The following TRIM5 variants were observed in gnomAD, a reference collection of about 807,000 sequenced individuals.
TRIM5 encodes the protein tripartite motif containing 5.
A neutral mutation model predicts 35.6 loss-of-function variants in TRIM5; 31 were observed. The ratio of observed to expected loss-of-function variants is 0.87; its 90% CI spans 0.65 to 1.18. TRIM5 has a LOEUF of 1.18. TRIM5 is among the 50% of genes most tolerant of loss of function. The pLI, the probability that TRIM5 is intolerant of heterozygous loss-of-function variation, is 0.00. For synonymous variants in TRIM5, 243 were observed against 215.6 expected, an observed-to-expected ratio of 1.13 and a Z score of -1.11; for missense variants, 609 against 591.6, an observed-to-expected ratio of 1.03 and a Z score of -0.31.
the TRIM5 span, among the ~76,000 whole-genome samples, chr11:5,616,104 C>T: frequency 1.3e-5 from 2 of 150,364 alleles, no homozygotes; most frequent in Non-Finnish European, 3.0e-5. Context: ...GCGCCCACCA[C>T]CACGCCCGGC....
the TRIM5 span, chr11:5,611,313 C>T: frequency 1.2e-6 from 2 of 1,614,098 alleles, no homozygotes; most frequent in African/African-American, 1.3e-5. Context: ...CTGTGTAATT[C>T]CTATGACCCT....
At chr11:5,609,384 T>A in the TRIM5 span, among the ~76,000 whole-genome samples, 4 of 152,128 alleles carry the variant, frequency 2.6e-5, no homozygotes, top group African/African-American at 9.7e-5. Flanking sequence ...GCCCACAGAC[T>A]CTTCTGAAGA....
At chr11:5,596,665 A>C in the TRIM5 span, 1 of 556,600 alleles carries the variant, frequency 1.8e-6, no homozygotes, top group African/African-American at 2.0e-5. Flanking sequence ...AGCCTTCCGC[A>C]AACTCCTGAC....
the TRIM5 span, chr11:5,597,037 C>A: frequency 1.3e-6 from 2 of 1,515,730 alleles, no homozygotes; most frequent in Non-Finnish European, 9.0e-7. Flanking sequence ...TTTTCTTTCT[C>A]ACTGCAAATG....
the TRIM5 span, chr11:5,603,175 G>A: frequency 1.2e-5 from 18 of 1,553,038 alleles, no homozygotes; most frequent in Admixed American, 1.9e-5. Flanking sequence ...ATCCAGGACT[G>A]GGCAGTCAGT....
the TRIM5 span, among the ~76,000 whole-genome samples, chr11:5,591,541 G>A: frequency 0.026 from 3,913 of 152,268 alleles, 178 homozygotes; most frequent in African/African-American, 0.09. Flanking sequence ...CCAGCTACTG[G>A]GGAGGCTGAG....
At chr11:5,634,668 A>C in the TRIM5 span, 1 of 1,613,910 alleles carries the variant, frequency 6.2e-7, no homozygotes, top group Non-Finnish European at 8.5e-7. Flanking sequence ...ATACAAACAG[A>C]ATTTGATCAG....
At chr11:5,635,444 C>T in the TRIM5 span, among the ~76,000 whole-genome samples, 1 of 151,886 alleles carries the variant, frequency 6.6e-6, no homozygotes, top group Admixed American at 6.6e-5. Flanking sequence ...TTTTAGTAAA[C>T]ATGGGGTTTC....
chr11:5,681,923 C>T (rs761644244), intron 1 of TRIM5, among the ~76,000 whole-genome samples: 23 of 142,902 alleles, frequency 1.6e-4, no homozygotes, highest in Non-Finnish European at 2.8e-4. Flanking sequence ...CCCAGCCTCC[C>T]GAGCAGCTGG....
chr11:5,599,380 A>ATTTTTT, the TRIM5 span, among the ~76,000 whole-genome samples: 1 of 99,236 alleles, frequency 1.0e-5, no homozygotes, highest in South Asian at 3.5e-4. Context: ...CAATACAATT[A>ATTTTTT]TTATATTTAT....
chr11:5,655,421 T>C, the TRIM5 span, among the ~76,000 whole-genome samples: 2 of 152,160 alleles, frequency 1.3e-5, no homozygotes, highest in Non-Finnish European at 2.9e-5. Context: ...ACCAAGAAAC[T>C]GAAATTGTTA....
chr11:5,671,941 C>T (rs1298204469), intron 4 of TRIM5, among the ~76,000 whole-genome samples: 1 of 151,956 alleles, frequency 6.6e-6, no homozygotes, highest in Non-Finnish European at 1.5e-5. Context: ...CTTCCAAAGG[C>T]TACAATCAAG....
At chr11:5,652,692 G>C in the TRIM5 span, among the ~76,000 whole-genome samples, 1 of 151,986 alleles carries the variant, frequency 6.6e-6, no homozygotes, top group Admixed American at 6.6e-5. Context: ...TTTTTTTCTA[G>C]TCCTGTGAAG....
At chr11:5,651,989 GTTGT>G in the TRIM5 span, among the ~76,000 whole-genome samples, 8 of 151,968 alleles carry the variant, frequency 5.3e-5, no homozygotes, top group Non-Finnish European at 1.2e-4. Context: ...TTTTAATGGG[GTTGT>G]TTGTTTTCTG....
chr11:5,672,881 T>A (rs1851677994), intron 4 of TRIM5, among the ~76,000 whole-genome samples: 1 of 152,058 alleles, frequency 6.6e-6, no homozygotes, highest in Admixed American at 6.5e-5. Context: ...ACAAGATGCA[T>A]ATTGTAATCA....
the TRIM5 span, chr11:5,608,352 C>G: frequency 1.2e-6 from 2 of 1,613,206 alleles, no homozygotes; most frequent in African/African-American, 1.3e-5. Context: ...CTTGACTTAA[C>G]CTGTCTTTTT....
chr11:5,611,279 T>G, the TRIM5 span: 1 of 1,614,016 alleles, frequency 6.2e-7, no homozygotes, highest in Non-Finnish European at 8.5e-7. Context: ...CCACTACTCT[T>G]TGTCCATATT....
At chr11:5,665,477 G>C in intron 7 of TRIM5, 82 bp from the exon 8 acceptor site, 1 of 1,544,384 alleles carries the variant, frequency 6.5e-7, no homozygotes. Context: ...AAAGACTTGA[G>C]AGAAAACTGG....
chr11:5,611,036 A>G, the TRIM5 span: 6 of 1,614,030 alleles, frequency 3.7e-6, no homozygotes, highest in Admixed American at 1.7e-5. Context: ...ATTTTGCTCA[A>G]AATCACAGTG....
Sources: gnomAD v4.1 joint callset for allele counts (sites outside exome capture counted in the v4.1 genomes callset) on GRCh38, gnomAD v4.1.1 for gene constraint, MANE v1.5 for transcripts, NCBI Gene and HGNC (gene_info 2026-07-23, HGNC 2026-07-21) for gene names.